GIGYF2: variants seen among roughly 807,000 people sequenced by gnomAD.
GIGYF2 encodes GRB10-interacting GYF protein 2.
In GIGYF2, 25 loss-of-function variants were observed where a neutral mutation model predicts 208.1. That is an observed-to-expected ratio of 0.12 (90% CI 0.09 to 0.17). The LOEUF is 0.17. GIGYF2 is among the 10% of genes least tolerant of loss of function. The probability of loss-of-function intolerance (pLI) is 1.00; values close to 1 mark genes in which losing one functional copy is unlikely to be tolerated. For missense variants in GIGYF2, 1,302 were observed against 1,579.4 expected (o/e 0.82, Z 2.98); for synonymous variants, 534 against 543.8 (o/e 0.98, Z 0.25).
At chr2:232,776,274 T>G (rs1699509051) in intron 8 of GIGYF2, 1 of 498,908 alleles carries the variant, frequency 2.0e-6, no homozygotes, top group Admixed American at 3.6e-5. Context: ...GTTATTGCAT[T>G]TTTAAGATTT....
intron 8 of GIGYF2, chr2:232,776,755 C>G (rs991055325): frequency 8.4e-6 from 3 of 356,080 alleles, no homozygotes; most frequent in Non-Finnish European, 1.5e-5. Flanking sequence ...GCCTCCAGAA[C>G]TGACTTGGAG....
At chr2:232,750,688 A>C (rs1034606495) in intron 5 of GIGYF2, among the ~76,000 whole-genome samples, 1 of 150,140 alleles carries the variant, frequency 6.7e-6, no homozygotes, top group African/African-American at 2.5e-5. Flanking sequence ...TTCTTTTGGG[A>C]TATTCATCTT....
chr2:232,836,825 CCATTAGG>C (rs912622309), intron 22 of GIGYF2, among the ~76,000 whole-genome samples: 1 of 152,140 alleles, frequency 6.6e-6, no homozygotes, highest in African/African-American at 2.4e-5. Context: ...TCTGAAAACA[CCATTAGG>C]CTTGAACTCA....
chr2:232,722,762 T>G (rs1697003259), intron 2 of GIGYF2: 1 of 152,204 alleles, frequency 6.6e-6, no homozygotes, highest in African/African-American at 2.4e-5. Flanking sequence ...GTATTATCTT[T>G]GTAGCTTTTT....
chr2:232,839,535 T>G (rs1701754388), intron 22 of GIGYF2, among the ~76,000 whole-genome samples: 1 of 152,224 alleles, frequency 6.6e-6, no homozygotes, highest in Non-Finnish European at 1.5e-5. Flanking sequence ...CTCCTCTTTA[T>G]GGTTGTATAT....
At chr2:232,752,549 C>G (rs1387143659) in intron 5 of GIGYF2, among the ~76,000 whole-genome samples, 1 of 151,160 alleles carries the variant, frequency 6.6e-6, no homozygotes, top group Admixed American at 6.6e-5. Context: ...TTTATTCATT[C>G]TTTTTTTTTG....
chr2:232,832,366 G>A (rs1701446548), intron 21 of GIGYF2, among the ~76,000 whole-genome samples: 2 of 152,232 alleles, frequency 1.3e-5, no homozygotes, highest in Admixed American at 6.5e-5. Flanking sequence ...GACTGGTTGA[G>A]GAGAGATGTT....
At chr2:232,794,105 G>A (rs1004653707) in intron 12 of GIGYF2, among the ~76,000 whole-genome samples, 1 of 152,128 alleles carries the variant, frequency 6.6e-6, no homozygotes. Context: ...AGATTTCAAA[G>A]GGGAAACTGC....
In GIGYF2 at chr2:232,857,874, G is replaced by C. The variant is rs574851429; in HGVS notation, c.*1014G>C. 1.3e-5 allele frequency: 2 copies of C among 152,610 alleles called. No homozygotes were observed. The highest frequency in any genetic ancestry group is 2.9e-5 in the Non-Finnish European group (2 of 68,066). The allele number at this position is 152,610 out of a possible 1,614,324, so 9.5% of individuals were successfully genotyped here. On this transcript the variant is annotated 3_prime_UTR_variant, in exon 29 of 29. Transcript: ENST00000373563. ...TTGCGTGTGTGTCTTGCTGTAGCCC[G>C]GAAAAGGTTTTGTGTAAAGATTCTG... is the stretch of plus-strand genomic sequence containing the variant.
At position 232,809,947 on chromosome 2, in the gene GIGYF2, C is replaced by G. The variant is rs114713616; in HGVS notation, c.1898+136C>G. The G allele has an allele frequency of 1.6e-3, 1,109 of 691,914 alleles. 5 individuals are homozygous for G. The African/African-American group carries it at 0.018, about 11-fold the overall frequency. 42.9% of individuals were successfully genotyped at this position (691,914 alleles called of 1,614,324 possible). On this transcript the variant is annotated intron_variant, in intron 16 of 28. Transcript: ENST00000373563. Reference sequence around the variant, plus strand: ...ACTTCAGTCACCCAGCTAGTGGCGTCTTGCCACCATACCTTCTAATTTTAG... The same window carrying G: ...ACTTCAGTCACCCAGCTAGTGGCGTGTTGCCACCATACCTTCTAATTTTAG...
intron 22 of GIGYF2, among the ~76,000 whole-genome samples, chr2:232,838,200 T>C (rs1003921064): frequency 6.6e-6 from 1 of 152,064 alleles, no homozygotes; most frequent in African/African-American, 2.4e-5. Flanking sequence ...ACCTATGAAA[T>C]ATAGAGTATA....
chr2:232,707,406 G>C (rs1696168032), intron 2 of GIGYF2, among the ~76,000 whole-genome samples: 1 of 152,094 alleles, frequency 6.6e-6, no homozygotes, highest in Admixed American at 6.6e-5. Flanking sequence ...AATTGTCTTG[G>C]TACTTTCTAC....
intron 22 of GIGYF2, among the ~76,000 whole-genome samples, chr2:232,835,688 C>T (rs971173082): frequency 1.3e-5 from 2 of 152,216 alleles, no homozygotes; most frequent in East Asian, 1.9e-4. Context: ...TCCCCTCCTC[C>T]CCCCGACCAT....
chr2:232,761,929 G>A (rs1698755206), intron 8 of GIGYF2, among the ~76,000 whole-genome samples: 1 of 149,580 alleles, frequency 6.7e-6, no homozygotes, highest in African/African-American at 2.5e-5. Context: ...CACTGAAGAG[G>A]AACATAATAA....
At chr2:232,783,352 TTTTG>T (rs921618330) in intron 8 of GIGYF2, among the ~76,000 whole-genome samples, 3 of 152,184 alleles carry the variant, frequency 2.0e-5, no homozygotes, top group Admixed American at 1.3e-4. Context: ...TTATTTTTTG[TTTTG>T]TTTATTATTT....
At chr2:232,825,554 G>A (rs1701220954) in intron 21 of GIGYF2, among the ~76,000 whole-genome samples, 2 of 152,124 alleles carry the variant, frequency 1.3e-5, no homozygotes, top group Admixed American at 1.3e-4. Context: ...GTCAGCAGTT[G>A]CTTCTTATGG....
rs1424996215 is a variant in GIGYF2 at position 232,711,802 on chromosome 2, AGT to A, written c.-44+8316_-44+8317del. On this transcript the variant is annotated intron_variant, in intron 2 of 28. Transcript: ENST00000373563. Reference sequence around the variant, plus strand: ...GATATTACACTAAAATTCAACCAGCAGTGTTTTTTTTCTTTTTTTGTATTTTT... The same window carrying A: ...GATATTACACTAAAATTCAACCAGCAGTTTTTTTTCTTTTTTTGTATTTTT... Among the ~76,000 whole-genome samples, 7 of 149,732 alleles carry A rather than the reference AGT, an allele frequency of 4.7e-5. No homozygotes were observed. In the Admixed American group the frequency reaches 4.7e-4, roughly 10 times the overall value.
At chr2:232,705,146 A>G (rs533436244) in intron 2 of GIGYF2, among the ~76,000 whole-genome samples, 2 of 152,158 alleles carry the variant, frequency 1.3e-5, no homozygotes, top group East Asian at 1.9e-4. Flanking sequence ...GGCGTGAGCC[A>G]CCGCGCCCGG....
intron 21 of GIGYF2, among the ~76,000 whole-genome samples, chr2:232,820,905 A>G (rs1349782414): frequency 6.6e-6 from 1 of 151,558 alleles, no homozygotes; most frequent in African/African-American, 2.4e-5. Context: ...ATTTTGGCTT[A>G]CTGCAACCTC....
Sources: allele counts gnomAD v4.1 joint callset (sites outside exome capture counted in the v4.1 genomes callset), GRCh38; gene constraint gnomAD v4.1.1; transcripts MANE v1.5; gene names NCBI Gene and HGNC (gene_info 2026-07-23, HGNC 2026-07-21).